AKAP12: variants seen among roughly 807,000 people sequenced by gnomAD.
AKAP12 encodes the protein A-kinase anchor protein 12.
Under a neutral mutation model 79.9 loss-of-function variants are expected in AKAP12, and 32 were observed. The observed-to-expected ratio is 0.40, with a 90% CI of 0.30 to 0.54. The LOEUF (loss-of-function observed/expected upper bound fraction) is 0.54, where lower values mean the gene tolerates loss of function less well. AKAP12 is among the 20% of genes least tolerant of loss of function. The probability of loss-of-function intolerance (pLI) is 0.48; values close to 1 mark genes in which losing one functional copy is unlikely to be tolerated. For missense variants in AKAP12, 2,074 were observed against 2,177.0 expected (o/e 0.95, Z 0.94); for synonymous variants, 808 against 857.0 (o/e 0.94, Z 1.00).
chr6:151,310,471 C>T (rs1009175958), intron 3 of AKAP12, among the ~76,000 whole-genome samples: 1 of 152,176 alleles, frequency 6.6e-6, no homozygotes, highest in South Asian at 2.1e-4. Flanking sequence ...AGGCTGGGGG[C>T]GGTGGCTCAC....
intron 2 of AKAP12, among the ~76,000 whole-genome samples, chr6:151,291,878 T>A (rs1776630624): frequency 6.6e-6 from 1 of 152,174 alleles, no homozygotes; most frequent in Non-Finnish European, 1.5e-5. Flanking sequence ...CCAGCTGACT[T>A]GTGGCCTCTT....
Position 151,240,657 on chromosome 6 carries a change from C to A in AKAP12, c.95C>A (p.Pro32His). 1 of 1,319,564 alleles carries A rather than the reference C, an allele frequency of 7.6e-7. No individual in the cohort carries two copies. The highest frequency in any genetic ancestry group is 1.5e-5 in the African/African-American group (1 of 64,936). The allele number at this position is 1,319,564 out of a possible 1,614,324, so 81.7% of individuals were successfully genotyped here. Residue 32 changes from proline to histidine, a missense_variant, in exon 2 of 5, where the codon CCC becomes CAC. By Grantham distance (77) the Pro-to-His change is moderately conservative. This residue lies in a region of AKAP12 where 1,428 missense variants were observed against 1,451.0 expected (regional missense o/e 0.98). Coordinates refer to ENST00000402676, the MANE Select transcript of AKAP12 (RefSeq NM_005100.4). ...GAGCCCGAGCCCAGCGGCGGCGGCC[C>A]CTCGGCCGAGGCGGCGCCAGACACC... is the stretch of plus-strand genomic sequence containing the variant. ...PAEPEPSGGG[P>H]SAEAAPDTTA...
Position 151,352,344 on chromosome 6 carries a change from A to C in AKAP12, c.3953A>C (p.Asp1318Ala). Residue 1318 changes from aspartate (D) to alanine (A), a missense_variant, in exon 4 of 5, where the codon GAT (aspartate) becomes GCT (alanine). Coordinates refer to ENST00000402676, the MANE Select transcript of AKAP12 (RefSeq NM_005100.4). ...GTEEAECKKDDALELQSHAKS... is the reference protein window; with the variant it reads ...GTEEAECKKDAALELQSHAKS... ...GAAGAAGCTGAATGTAAAAAGGATG[A>C]TGCTCTTGAACTGCAGAGTCACGCT... 6.2e-7 allele frequency: 1 copy of C among 1,614,186 alleles called. No homozygotes were observed. Among genetic ancestry groups the C allele is most frequent in the Non-Finnish European group, 8.5e-7 (1 of 1,180,040 alleles).
intron 2 of AKAP12, chr6:151,298,823 A>G (rs1012641962): frequency 1.3e-5 from 2 of 152,016 alleles, no homozygotes; most frequent in Non-Finnish European, 2.9e-5. Flanking sequence ...GAGAAAAATG[A>G]AAAAATTTTT....
At position 151,352,281 on chromosome 6, in the gene AKAP12, AAAAGGTCACTGAAGTTGCCCT is replaced by A. The variant is rs772393060; in HGVS notation, c.3891_3911del (p.Glu1297_Leu1304delinsAsp). The A allele has an allele frequency of 6.2e-7, 1 of 1,614,198 alleles. No individual in the cohort carries two copies. Among genetic ancestry groups the A allele is most frequent in the South Asian group, 1.1e-5 (1 of 91,082 alleles). On this transcript the variant is annotated inframe_deletion, in exon 4 of 5. Coordinates refer to ENST00000402676, the MANE Select transcript of AKAP12 (RefSeq NM_005100.4). ...GACACAGGCATAACAGTCAGTCGGG[AAAAGGTCACTGAAGTTGCCCT>A]TAAAGGTGAAGGGACAGAAGAAGCT...
intron 2 of AKAP12, among the ~76,000 whole-genome samples, chr6:151,248,855 T>C (rs1449667109): frequency 6.6e-6 from 1 of 151,802 alleles, no homozygotes; most frequent in Admixed American, 6.6e-5. Context: ...AGTATGGTGG[T>C]GTGTACCTGT....
intron 3 of AKAP12, among the ~76,000 whole-genome samples, chr6:151,326,631 T>TAAG (rs1440884520): frequency 6.6e-6 from 1 of 152,210 alleles, no homozygotes. Context: ...TAGAATGCTC[T>TAAG]TACAGCTCCT....
chr6:151,270,619 C>T (rs899543414), intron 2 of AKAP12, among the ~76,000 whole-genome samples: 1 of 152,196 alleles, frequency 6.6e-6, no homozygotes, highest in African/African-American at 2.4e-5. Flanking sequence ...TTTTCCAAAG[C>T]AGCTGCACCA....
intron 2 of AKAP12, among the ~76,000 whole-genome samples, chr6:151,242,674 A>G (rs1023873713): frequency 1.3e-5 from 2 of 152,156 alleles, no homozygotes; most frequent in Non-Finnish European, 2.9e-5. Flanking sequence ...CTGACCTCCA[A>G]GTAATCCCAT....
intron 2 of AKAP12, among the ~76,000 whole-genome samples, chr6:151,252,732 G>GTAAA (rs1357356762): frequency 8.3e-5 from 8 of 95,814 alleles, no homozygotes; most frequent in Admixed American, 3.4e-4. Context: ...CTGTCTCTGG[G>GTAAA]AAAAAAAAAA....
chr6:151,254,259 A>C (rs1301922313), intron 2 of AKAP12, among the ~76,000 whole-genome samples: 1 of 152,200 alleles, frequency 6.6e-6, no homozygotes, highest in Non-Finnish European at 1.5e-5. Context: ...TGTGGGCAAA[A>C]ACCCAGTTGA....
chr6:151,288,885 G>A (rs1776560073), intron 2 of AKAP12, among the ~76,000 whole-genome samples: 1 of 152,242 alleles, frequency 6.6e-6, no homozygotes, highest in Admixed American at 6.5e-5. Flanking sequence ...GGCATCGCTA[G>A]ATGCGCCCTG....
chr6:151,327,140 A>G (rs1777550557), intron 3 of AKAP12, among the ~76,000 whole-genome samples: 1 of 144,554 alleles, frequency 6.9e-6, no homozygotes, highest in Non-Finnish European at 1.5e-5. Context: ...TTTTTAATCA[A>G]CTGTAGAATT....
At chr6:151,305,608 C>A in intron 2 of AKAP12, 139 bp from the exon 3 acceptor site, 1 of 842,570 alleles carries the variant, frequency 1.2e-6, no homozygotes, top group Non-Finnish European at 1.8e-6. Flanking sequence ...AAATATAAGA[C>A]TTAACTCTTC....
At chr6:151,258,961 C>CTA (rs1002677869) in intron 2 of AKAP12, among the ~76,000 whole-genome samples, 14 of 147,976 alleles carry the variant, frequency 9.5e-5, no homozygotes, top group Admixed American at 1.4e-4. Flanking sequence ...TATATACACA[C>CTA]TATATATATA....
chr6:151,328,070 G>A (rs981392159), intron 3 of AKAP12, among the ~76,000 whole-genome samples: 1 of 152,136 alleles, frequency 6.6e-6, no homozygotes, highest in Admixed American at 6.5e-5. Flanking sequence ...GCTCACGCCT[G>A]TAATCCCAGG....
intron 3 of AKAP12, among the ~76,000 whole-genome samples, chr6:151,328,077 C>T (rs1225878732): frequency 2.0e-5 from 3 of 152,052 alleles, no homozygotes; most frequent in Admixed American, 1.3e-4. Flanking sequence ...CCTGTAATCC[C>T]AGGACTTTGG....
At chr6:151,274,543 A>G (rs1407599169) in intron 2 of AKAP12, among the ~76,000 whole-genome samples, 4 of 152,238 alleles carry the variant, frequency 2.6e-5, no homozygotes, top group African/African-American at 9.6e-5. Flanking sequence ...GAATTAAATC[A>G]TGCAAAAAAG....
chr6:151,277,880 T>C (rs1328586828), intron 2 of AKAP12, among the ~76,000 whole-genome samples: 1 of 152,156 alleles, frequency 6.6e-6, no homozygotes, highest in African/African-American at 2.4e-5. Flanking sequence ...GCATTAATCA[T>C]TGAAATACGT....
Sources: allele counts gnomAD v4.1 joint callset (sites outside exome capture counted in the v4.1 genomes callset), GRCh38; gene constraint gnomAD v4.1.1; regional missense constraint gnomAD v4.1.1; transcripts MANE v1.5; gene names NCBI Gene and HGNC (gene_info 2026-07-23, HGNC 2026-07-21).